NEB: variants seen among roughly 807,000 people sequenced by gnomAD.
NEB encodes nebulin.
Under a neutral mutation model 952.2 loss-of-function variants are expected in NEB, and 512 were observed. The observed-to-expected ratio is 0.54, with a 90% CI of 0.50 to 0.58. The LOEUF (loss-of-function observed/expected upper bound fraction) is 0.58. Ranked by LOEUF, NEB falls within the 20% of genes least tolerant of loss-of-function variation. The pLI, the probability that NEB is intolerant of heterozygous loss-of-function variation, is 0.00. For missense variants in NEB, 8,428 were observed against 9,231.1 expected (o/e 0.91, Z 3.56); for synonymous variants, 2,900 against 3,149.8 (o/e 0.92, Z 2.66).
At chr2:151,627,865 A>C in intron 68 of NEB, 31 bp from the exon 69 acceptor site, 1 of 1,596,808 alleles carries the variant, frequency 6.3e-7, no homozygotes, top group South Asian at 1.1e-5. Flanking sequence ...TCAAAAATAA[A>C]AATGAATAGA....
chr2:151,538,875 T>G (rs1466169704), intron 138 of NEB, among the ~76,000 whole-genome samples: 1 of 152,224 alleles, frequency 6.6e-6, no homozygotes, highest in Non-Finnish European at 1.5e-5. Context: ...ACAAGATGGG[T>G]GCTTCTCTGC....
intron 161 of NEB, among the ~76,000 whole-genome samples, chr2:151,511,384 A>G (rs1196082804): frequency 6.6e-6 from 1 of 152,220 alleles, no homozygotes; most frequent in Non-Finnish European, 1.5e-5. Context: ...TAATTTTACA[A>G]TATACAACTA....
At chr2:151,659,436 G>A (rs2099122432) in intron 46 of NEB, among the ~76,000 whole-genome samples, 1 of 152,048 alleles carries the variant, frequency 6.6e-6, no homozygotes, top group African/African-American at 2.4e-5. Context: ...GAGTAGCTGG[G>A]ACTACAGGCA....
In NEB at chr2:151,496,066, C is replaced by T. The variant is rs554485389; in HGVS notation, c.24486+210G>A. Among the ~76,000 whole-genome samples, 10 of 151,808 alleles carry T rather than the reference C, an allele frequency of 6.6e-5. No individual in the cohort carries two copies. In the East Asian group the frequency reaches 1.9e-3, roughly 29 times the overall value. ...GGATGTTTTATAGGAAAATCTGTTA[C>T]TTCTTGATATTAGAACTTTATGGAT... On this transcript the variant is annotated intron_variant, in intron 173 of 181. Transcript: ENST00000397345.
At chr2:151,561,726 C>T (rs961812083) in intron 121 of NEB, among the ~76,000 whole-genome samples, 2 of 152,034 alleles carry the variant, frequency 1.3e-5, no homozygotes, top group African/African-American at 2.4e-5. Context: ...AGCTGAACCA[C>T]GTGCTGAAAA....
intron 67 of NEB, among the ~76,000 whole-genome samples, chr2:151,630,051 TATTTTTATTC>T (rs1222153647): frequency 2.0e-5 from 3 of 152,112 alleles, no homozygotes; most frequent in Non-Finnish European, 4.4e-5. Flanking sequence ...TATAAAAATA[TATTTTTATTC>T]ATTTTTATTA....
At position 151,570,301 on chromosome 2, in the gene NEB, A is replaced by G; in HGVS notation, c.17210T>C (p.Ile5737Thr). 1.9e-6 allele frequency: 3 copies of G among 1,612,686 alleles called. No individual in the cohort carries two copies. Among genetic ancestry groups the G allele is most frequent in the Middle Eastern group, 1.7e-4 (1 of 6,056 alleles). ...TCGTTCATTCTGGAGCTTGTCAGCT[A>G]TGAGGGCCCAGCGGATCTTGTTGTC... ...RDDNKIRWALIADKLQNEREY... is the reference protein window; with the variant it reads ...RDDNKIRWALTADKLQNEREY... Residue 5737 changes from isoleucine to threonine, a missense_variant, in exon 109 of 182, where the codon ATA (isoleucine) becomes ACA (threonine). Around this residue, in one of 11 missense-constraint regions of NEB, gnomAD observed 3,374 missense variants for 3,651.5 expected, o/e 0.92. Transcript: ENST00000397345.
At chr2:151,666,036 G>T (rs1462860131) in intron 41 of NEB, 54 bp downstream of exon 41, 1 of 1,534,592 alleles carries the variant, frequency 6.5e-7, no homozygotes, top group Non-Finnish European at 8.9e-7. Flanking sequence ...AGTGGCTCCT[G>T]TTTTTTCCTC....
Position 151,491,694 on chromosome 2 carries a change from T to C in NEB, c.25139A>G (p.His8380Arg). 6.3e-7 allele frequency: 1 copy of C among 1,592,326 alleles called. No homozygotes were observed. Among genetic ancestry groups the C allele is most frequent in the Non-Finnish European group, 8.6e-7 (1 of 1,168,226 alleles). ...AEDNIQSRSLHMINVQAQRRS... is the reference protein window; with the variant it reads ...AEDNIQSRSLRMINVQAQRRS... Reference sequence around the variant, plus strand: ...TTCAGCTAACACACCATTAATCATGTGTAAGCTTCGGGACTGGATGTTGTC... The same window carrying C: ...TTCAGCTAACACACCATTAATCATGCGTAAGCTTCGGGACTGGATGTTGTC... The change falls in exon 179 of 182, where the codon CAC (histidine) becomes CGC (arginine). Residue 8380 changes from histidine to arginine, a missense_variant. Coordinates refer to ENST00000397345, the MANE Select transcript of NEB (RefSeq NM_001164508.2).
chr2:151,616,117 A>T lies in NEB; in HGVS notation c.11182-8T>A, dbSNP rs183088493. ...AGCAAGTTTATAGAGTTTCTGTAGA[A>T]AAGAAAGTCATTACTCATTTACTCC... On this transcript the variant is annotated splice_polypyrimidine_tract_variant and splice_region_variant and intron_variant, in intron 75 of 181. Transcript: ENST00000397345. The T allele has an allele frequency of 1.3e-4, 211 of 1,584,578 alleles. No individual in the cohort carries two copies. In the East Asian group the frequency reaches 2.7e-3, roughly 20 times the overall value.
intron 155 of NEB, 68 bp from the exon 156 acceptor site, chr2:151,518,490 T>C: frequency 1.0e-6 from 1 of 973,296 alleles, no homozygotes; most frequent in South Asian, 1.4e-5. Context: ...TTTTCCTCTT[T>C]AGATTAGACG....
At chr2:151,541,914 C>T (rs2094122920) in intron 135 of NEB, among the ~76,000 whole-genome samples, 2 of 152,162 alleles carry the variant, frequency 1.3e-5, no homozygotes, top group Admixed American at 6.5e-5. Context: ...GACTCAAGAC[C>T]TCCTGTCATT....
intron 10 of NEB, 98 bp downstream of exon 10, chr2:151,717,318 G>T: frequency 1.2e-6 from 1 of 847,376 alleles, no homozygotes; most frequent in Non-Finnish European, 2.0e-6. Context: ...TAGTGTTTGT[G>T]TTTTATCTTC....
intron 163 of NEB, chr2:151,506,472 C>T: frequency 1.9e-6 from 1 of 514,340 alleles, no homozygotes; most frequent in Non-Finnish European, 3.4e-6. Context: ...AAGATTTCTT[C>T]TAAGATTGTG....
At chr2:151,526,638 A>G (rs547714053) in intron 148 of NEB, among the ~76,000 whole-genome samples, 1 of 152,292 alleles carries the variant, frequency 6.6e-6, no homozygotes, top group South Asian at 2.1e-4. Flanking sequence ...CGTTTCCATA[A>G]AGAGTCCAGC....
chr2:151,563,928 T>A lies in NEB; in HGVS notation c.18474A>T (p.Ile6158=). Reference sequence around the variant, plus strand: ...TGCCCTCCCACGCCCCTTTATACAGTATCTAGAACAAAGAAATACATGGCA... The same window carrying A: ...TGCCCTCCCACGCCCCTTTATACAGAATCTAGAACAAAGAAATACATGGCA... ...SKDMGKLYST[I]LYKGAWEGTK... The change falls in exon 118 of 182, where the codon ATA becomes ATT. Residue 6158 remains isoleucine (I), a splice_region_variant and synonymous_variant. Transcript: ENST00000397345. 6.3e-7 allele frequency: 1 copy of A among 1,593,844 alleles called. No individual in the cohort carries two copies. The highest frequency in any genetic ancestry group is 8.5e-7 in the Non-Finnish European group (1 of 1,169,814).
At chr2:151,592,247 A>T in intron 94 of NEB, 109 bp from the exon 95 acceptor site, 2 of 1,421,500 alleles carry the variant, frequency 1.4e-6, no homozygotes, top group Non-Finnish European at 1.9e-6. Context: ...GGATATGAAT[A>T]AAATTTTAAG....
intron 142 of NEB, among the ~76,000 whole-genome samples, chr2:151,533,823 T>C (rs565778338): frequency 3.1e-4 from 48 of 152,384 alleles, no homozygotes; most frequent in African/African-American, 1.2e-3. Flanking sequence ...AAGACATCTT[T>C]GGAATAGAAA....
intron 167 of NEB, among the ~76,000 whole-genome samples, chr2:151,502,506 CTG>C (rs900411247): frequency 3.3e-5 from 5 of 151,922 alleles, no homozygotes; most frequent in Admixed American, 6.6e-5. Flanking sequence ...TTACTTTTGA[CTG>C]TGTTACACCA....
Sources: gnomAD v4.1 joint callset for allele counts (sites outside exome capture counted in the v4.1 genomes callset) on GRCh38, gnomAD v4.1.1 for gene constraint, gnomAD v4.1.1 regional missense constraint, MANE v1.5 for transcripts, NCBI Gene and HGNC (gene_info 2026-07-23, HGNC 2026-07-21) for gene names.